Variants in MSH6 observed in about 807,000 individuals in gnomAD.
MSH6 encodes the protein mutS homolog 6, also known as DNA mismatch repair protein Msh6.
In MSH6, 85 loss-of-function variants were observed where a neutral mutation model predicts 119.1. The observed-to-expected ratio is 0.71, with a 90% CI of 0.60 to 0.85. The LOEUF is 0.85. Among genes scored for constraint, MSH6 ranks in the 40% least tolerant of loss-of-function variants. The pLI, the probability that MSH6 is intolerant of heterozygous loss-of-function variation, is 0.00. For missense variants in MSH6, 2,163 were observed against 1,655.3 expected, an observed-to-expected ratio of 1.31 and a Z score of -5.32; for synonymous variants, 830 against 586.9, an observed-to-expected ratio of 1.41 and a Z score of -5.99.
In MSH6 at chr2:47,801,175, T is replaced by C. The variant is rs3136335; in HGVS notation, c.3172+20T>C. ...TGTTGGGTAAGACTTTGAACAAGCT[T>C]GTTCTCAGGCTTTGATAAGTAGTGC... On this transcript the variant is annotated intron_variant, in intron 4 of 9. Transcript: ENST00000234420. The C allele has an allele frequency of 1.8e-3, 2,846 of 1,606,264 alleles. 77 individuals are homozygous for C. In the South Asian group the frequency reaches 0.029, roughly 16 times the overall value.
chr2:47,787,888 G>A (rs1668442606), intron 1 of MSH6, among the ~76,000 whole-genome samples: 1 of 152,148 alleles, frequency 6.6e-6, no homozygotes, highest in Non-Finnish European at 1.5e-5. Flanking sequence ...GATCATAGGT[G>A]TGAGCCACCA....
At chr2:47,796,260 G>A (rs1669084521) in intron 3 of MSH6, among the ~76,000 whole-genome samples, 197 bp downstream of exon 3, 1 of 152,174 alleles carries the variant, frequency 6.6e-6, no homozygotes, top group African/African-American at 2.4e-5. Flanking sequence ...AGCTAGCATC[G>A]TTTTTACTTA....
downstream of MSH6, chr2:47,807,345 C>T: frequency 4.7e-6 from 1 of 212,046 alleles, no homozygotes; most frequent in Non-Finnish European, 9.6e-6. Context: ...TTTTGTTTTA[C>T]AGTGCATCCC....
downstream of MSH6, chr2:47,808,252 A>G: frequency 3.1e-6 from 5 of 1,612,780 alleles, no homozygotes; most frequent in Non-Finnish European, 3.4e-6. Context: ...AAAAACCTAA[A>G]GCAAAATGAA....
At chr2:47,808,879 T>TAG (rs1670414206), downstream of MSH6, 2 of 308,506 alleles carry the variant, frequency 6.5e-6, no homozygotes, top group African/African-American at 4.4e-5. Flanking sequence ...TTTTGTTTTG[T>TAG]AGAGACAGGG....
At chr2:47,809,361 T>A, downstream of MSH6, 1 of 798,874 alleles carries the variant, frequency 1.3e-6, no homozygotes, top group Non-Finnish European at 2.0e-6. Context: ...GAGCCACTAT[T>A]TTTAAGAGCT....
At chr2:47,790,890 A>G in intron 1 of MSH6, 37 bp from the exon 2 acceptor site, 2 of 1,604,558 alleles carry the variant, frequency 1.2e-6, no homozygotes, top group South Asian at 1.1e-5. Context: ...AACTTGACCA[A>G]ATATTAACTA....
intron 2 of MSH6, 59 bp downstream of exon 2, chr2:47,791,182 AAC>A (rs2104115980): frequency 6.8e-7 from 1 of 1,475,692 alleles, no homozygotes; most frequent in Non-Finnish European, 9.4e-7. Flanking sequence ...GTGTGAGAGA[AAC>A]AGACAGACAG....
chr2:47,803,301 AC>A (rs1669720928), intron 4 of MSH6, 118 bp from the exon 5 acceptor site: 1 of 1,312,682 alleles, frequency 7.6e-7, no homozygotes, highest in Non-Finnish European at 1.1e-6. Context: ...AGATCGTTGG[AC>A]TGTAATTGAA....
Position 47,803,508 on chromosome 2 carries a change from C to A in MSH6, c.3261C>A (p.Pro1087=), listed in dbSNP as rs370226185. 2 of 1,614,140 alleles carry A rather than the reference C, an allele frequency of 1.2e-6. No individual in the cohort carries two copies. The highest frequency in any genetic ancestry group is 1.7e-6 in the Non-Finnish European group (2 of 1,180,044). Residue 1087 remains proline, a synonymous_variant, in exon 5 of 10, where the codon CCC becomes CCA. Coordinates refer to ENST00000234420, the MANE Select transcript of MSH6 (RefSeq NM_000179.3). ...PVILLPEDTP[P]FLELKGSRHP... ...TTCTGTTGCCGGAAGATACCCCCCC[C>A]TTCTTAGAGCTTAAAGGATCACGCC... is the stretch of plus-strand genomic sequence containing the variant.
intron 2 of MSH6, among the ~76,000 whole-genome samples, chr2:47,792,209 C>T (rs758980300): frequency 1.3e-5 from 2 of 152,052 alleles, no homozygotes; most frequent in Non-Finnish European, 2.9e-5. Context: ...GGCTGGTCTC[C>T]AACTTCTGAC....
At position 47,806,751 on chromosome 2, in the gene MSH6, CTTTTTT is replaced by C. The variant is rs59056100; in HGVS notation, c.4002-15_4002-10del. On this transcript the variant is annotated intron_variant, in intron 9 of 9. Coordinates refer to ENST00000234420, the MANE Select transcript of MSH6 (RefSeq NM_000179.3). ...GATGCACTATGAAAAAACAAAAAAA[CTTTTTT>C]TTTTTTTTTTTTAATTTTAAGGGAA... The C allele has an allele frequency of 8.3e-5, 120 of 1,444,692 alleles. 2 individuals carry two copies. In the Middle Eastern group the frequency reaches 4.6e-3, roughly 55 times the overall value. 89.5% of individuals were successfully genotyped at this position (1,444,692 alleles called of 1,614,324 possible).
At position 47,784,036 on chromosome 2, in the gene MSH6, G is replaced by C. The variant is rs532429512; in HGVS notation, c.260+543G>C. 81 of 1,018,088 alleles carry C rather than the reference G, an allele frequency of 8.0e-5. No individual in the cohort carries two copies. The African/African-American group carries it at 1.2e-3, about 16-fold the overall frequency. The allele number at this position is 1,018,088 out of a possible 1,614,324, so 63.1% of individuals were successfully genotyped here. Reference sequence around the variant, plus strand: ...GTTGGGGCTCCAGTAGTCGATCGAGGTAGACACTTAGAGGTAGTTAAGAGC... The same window carrying C: ...GTTGGGGCTCCAGTAGTCGATCGAGCTAGACACTTAGAGGTAGTTAAGAGC... On this transcript the variant is annotated intron_variant, in intron 1 of 9. Transcript: ENST00000234420.
intron 4 of MSH6, among the ~76,000 whole-genome samples, chr2:47,802,668 A>C (rs1414357453): frequency 2.2e-5 from 3 of 133,900 alleles, no homozygotes; most frequent in Non-Finnish European, 4.7e-5. Context: ...AAATAATGGT[A>C]GTTTACTTGA....
intron 7 of MSH6, 55 bp from the exon 8 acceptor site, chr2:47,806,149 C>CT (rs1370590049): frequency 1.6e-6 from 2 of 1,275,418 alleles, no homozygotes; most frequent in Non-Finnish European, 2.2e-6. Flanking sequence ...GTTTTAATTC[C>CT]TTTTTTGTTT....
At chr2:47,805,849 CGATAGTTGGAGA>C (rs1669996009) in intron 7 of MSH6, 142 bp downstream of exon 7, 1 of 742,182 alleles carries the variant, frequency 1.3e-6, no homozygotes, top group African/African-American at 1.8e-5. Context: ...TGGCACAGAC[CGATAGTTGGAGA>C]TAAAAGGTGA....
At chr2:47,785,977 T>A (rs1668324665) in intron 1 of MSH6, among the ~76,000 whole-genome samples, 1 of 152,236 alleles carries the variant, frequency 6.6e-6, no homozygotes, top group Non-Finnish European at 1.5e-5. Flanking sequence ...CTGCAGTGTC[T>A]AGATCACTCT....
chr2:47,795,943 G>C lies in MSH6; in HGVS notation c.507G>C (p.Lys169Asn), dbSNP rs767474992. The part of the protein sequence containing the change: ...AQKGGHFYSA[K>N]PEILRAMQRA... ...AGGGAGGTCATTTTTACAGTGCAAA[G>C]CCTGAAATACTGAGAGCAATGCAAC... The change falls in exon 3 of 10, where the codon AAG becomes AAC. Residue 169 changes from lysine to asparagine, a missense_variant. Lys to Asn is a moderately conservative substitution (Grantham distance 94). Transcript: ENST00000234420. 6.2e-7 allele frequency: 1 copy of C among 1,614,132 alleles called. No homozygotes were observed. The highest frequency in any genetic ancestry group is 8.5e-7 in the Non-Finnish European group (1 of 1,180,010).
rs538761360 is a variant in MSH6, at chr2:47,800,930, G to A, written c.2947G>A (p.Glu983Lys). 1 of 1,577,858 alleles carries A rather than the reference G, an allele frequency of 6.3e-7. No individual in the cohort carries two copies. Among genetic ancestry groups the A allele is most frequent in the South Asian group, 1.2e-5 (1 of 85,218 alleles). The part of the protein sequence containing the change: ...GRNRYQLEIP[E>K]NFTTRNLPEE... ...GAACCGTTACCAGCTGGAAATTCCTGAGAATTTCACCACTCGCAATTTGCC... is the reference window on the plus strand; with the variant it reads ...GAACCGTTACCAGCTGGAAATTCCTAAGAATTTCACCACTCGCAATTTGCC... The change falls in exon 4 of 10, where the codon GAG becomes AAG. Residue 983 changes from glutamate to lysine, a missense_variant. Glu to Lys is a moderately conservative substitution (Grantham distance 56). Transcript: ENST00000234420.
Sources: allele counts gnomAD v4.1 joint callset (sites outside exome capture counted in the v4.1 genomes callset), GRCh38; gene constraint gnomAD v4.1.1; transcripts MANE v1.5; gene names NCBI Gene and HGNC (gene_info 2026-07-23, HGNC 2026-07-21).